CREBBP: variants seen among roughly 807,000 people sequenced by gnomAD.
CREBBP encodes CREB binding lysine acetyltransferase, also known as CREB-binding protein.
A neutral mutation model predicts 265.0 loss-of-function variants in CREBBP; 19 were observed. The ratio of observed to expected loss-of-function variants is 0.07; its 90% CI spans 0.05 to 0.11. The LOEUF (loss-of-function observed/expected upper bound fraction) is 0.11. Among genes scored for constraint, CREBBP ranks in the 10% least tolerant of loss-of-function variants. The probability of loss-of-function intolerance (pLI) is 1.00; values close to 1 mark genes in which losing one functional copy is unlikely to be tolerated. For synonymous variants in CREBBP, 1,457 were observed against 1,223.7 expected, an observed-to-expected ratio of 1.19 and a Z score of -3.98; for missense variants, 2,525 against 3,219.0, an observed-to-expected ratio of 0.78 and a Z score of 5.22.
Position 3,731,421 on chromosome 16 carries a change from G to T in CREBBP, c.4943C>A (p.Pro1648His). ...GAGCAGGGGGTCGGGGTCGACGATG[G>T]GGGGCAGGGTGTTGATGACAGGCCC... Reference protein sequence around the residue: ...HAGPVINTLPPIVDPDPLLSC... With the variant: ...HAGPVINTLPHIVDPDPLLSC... Residue 1648 changes from proline (P) to histidine (H), a missense_variant, in exon 30 of 31, where the codon CCC (proline) becomes CAC (histidine). Pro to His is a moderately conservative substitution (Grantham distance 77). Coordinates refer to ENST00000262367, the MANE Select transcript of CREBBP (RefSeq NM_004380.3). This position sits in a 1 kb window ranked among gnomAD's most constrained non-coding sequence, Gnocchi z 7.7. The T allele has an allele frequency of 2.5e-6, 4 of 1,604,472 alleles. No homozygotes were observed. The highest frequency in any genetic ancestry group is 3.5e-5 in the Admixed American group (2 of 57,926).
At chr16:3,775,565 G>C (rs535834312) in intron 11 of CREBBP, among the ~76,000 whole-genome samples, 6 of 152,166 alleles carry the variant, frequency 3.9e-5, no homozygotes, top group Admixed American at 3.9e-4. Flanking sequence ...ACCTTCAATG[G>C]CTACCTAGAA....
At chr16:3,771,899 C>T (rs936633817) in intron 13 of CREBBP, among the ~76,000 whole-genome samples, 1 of 151,380 alleles carries the variant, frequency 6.6e-6, no homozygotes, top group African/African-American at 2.4e-5. Context: ...CAACCTCCAT[C>T]TCCCGGGTTC....
At chr16:3,790,494 C>A (rs1567315477) in intron 5 of CREBBP, among the ~76,000 whole-genome samples, 1 of 151,786 alleles carries the variant, frequency 6.6e-6, no homozygotes, top group Admixed American at 6.6e-5. Flanking sequence ...CCTGCCTCAG[C>A]CTCCCAAGTA....
At chr16:3,743,410 T>C (rs1448863493) in intron 23 of CREBBP, 1 of 152,294 alleles carries the variant, frequency 6.6e-6, no homozygotes, top group East Asian at 1.9e-4. Flanking sequence ...CAACAGAGTT[T>C]GAACTTGAAT....
intron 2 of CREBBP, among the ~76,000 whole-genome samples, chr16:3,848,770 C>G (rs2141476959): frequency 6.6e-6 from 1 of 152,254 alleles, no homozygotes; most frequent in Middle Eastern, 3.4e-3. Context: ...ATCAATCTCT[C>G]CAGGAACCAT....
chr16:3,816,246 C>T (rs564073929), intron 2 of CREBBP, among the ~76,000 whole-genome samples: 4 of 152,272 alleles, frequency 2.6e-5, no homozygotes, highest in East Asian at 1.9e-4. Context: ...TGTGACCAAG[C>T]GTATCAATCA....
chr16:3,783,062 A>C (rs2053310324), intron 5 of CREBBP, 136 bp from the exon 6 acceptor site: 1 of 1,182,434 alleles, frequency 8.5e-7, no homozygotes, highest in African/African-American at 1.5e-5. Flanking sequence ...AGCAGTAAAC[A>C]AGCCTAGGGA....
intron 10 of CREBBP, 110 bp downstream of exon 10, chr16:3,777,901 C>A: frequency 1.5e-6 from 2 of 1,330,706 alleles, no homozygotes; most frequent in Middle Eastern, 1.8e-4. Flanking sequence ...ACAGCTTCTG[C>A]AGGGCATGCA....
chr16:3,851,715 G>A (rs1276028123), intron 1 of CREBBP, among the ~76,000 whole-genome samples: 7 of 150,578 alleles, frequency 4.6e-5, no homozygotes, highest in Non-Finnish European at 7.4e-5. Flanking sequence ...TTAGCCGGGC[G>A]CGGTGGCGGG....
chr16:3,797,669 C>T (rs1279037200), intron 3 of CREBBP, among the ~76,000 whole-genome samples: 3 of 151,802 alleles, frequency 2.0e-5, no homozygotes, highest in Non-Finnish European at 4.4e-5. Context: ...GTAAGTGAAA[C>T]CCCAGAAAGT....
rs530881978 is a variant in CREBBP at position 3,730,691 on chromosome 16, G to A, written c.5172+501C>T. 6.0e-4 allele frequency: 111 copies of A among 186,392 alleles called. 1 individual carries two copies. Among genetic ancestry groups the A allele is most frequent in the African/African-American group, 2.0e-3 (85 of 42,704 alleles). 11.5% of individuals were successfully genotyped at this position (186,392 alleles called of 1,614,324 possible). ...ACACCACAGCAAGTGAGGAGGCTCC[G>A]GGTTGGCAGGTGATGGTGACTGTCC... On this transcript the variant is annotated intron_variant, in intron 30 of 30. Transcript: ENST00000262367.
intron 3 of CREBBP, among the ~76,000 whole-genome samples, chr16:3,795,417 C>T (rs937442491): frequency 1.3e-5 from 2 of 151,966 alleles, no homozygotes; most frequent in Non-Finnish European, 2.9e-5. Context: ...TACGTATGAA[C>T]CATAATCAAT....
At position 3,736,630 on chromosome 16, in the gene CREBBP, C is replaced by G. The variant is rs1487634374; in HGVS notation, c.4560+20G>C. The G allele has an allele frequency of 6.2e-7, 1 of 1,614,218 alleles. No individual in the cohort carries two copies. The highest frequency in any genetic ancestry group is 8.5e-7 in the Non-Finnish European group (1 of 1,180,044). On this transcript the variant is annotated intron_variant, in intron 27 of 30. Transcript: ENST00000262367. ...CCTCAGTTGTGACAAAAGCCACCAC[C>G]TTCCTTCAGCGCCGGGTACCTTGTA...
At chr16:3,817,159 C>T (rs2141368655) in intron 2 of CREBBP, among the ~76,000 whole-genome samples, 1 of 152,294 alleles carries the variant, frequency 6.6e-6, no homozygotes, top group East Asian at 1.9e-4. Flanking sequence ...AGCAGATACA[C>T]AAGTCCAGTC....
At chr16:3,851,094 T>C (rs1184156364) in intron 1 of CREBBP, 85 bp from the exon 2 acceptor site, 8 of 1,166,434 alleles carry the variant, frequency 6.9e-6, no homozygotes, top group Admixed American at 5.2e-5. Flanking sequence ...CTTAACCTAA[T>C]GGGGCATTCA....
intron 26 of CREBBP, among the ~76,000 whole-genome samples, chr16:3,737,750 A>C (rs933932528): frequency 4.7e-5 from 7 of 149,534 alleles, no homozygotes; most frequent in African/African-American, 1.7e-4. Flanking sequence ...AGACTAGGTG[A>C]GCCAATTTTT....
At chr16:3,729,931 C>A in intron 30 of CREBBP, 57 bp from the exon 31 acceptor site, 1 of 1,586,884 alleles carries the variant, frequency 6.3e-7, no homozygotes, top group Non-Finnish European at 8.5e-7. Context: ...TACCACCAGG[C>A]ATCCTGGCTG....
In CREBBP at chr16:3,862,511, A is replaced by G. The variant is rs564694327; in HGVS notation, c.86-11502T>C. 2.6e-5 allele frequency among the ~76,000 whole-genome samples: 4 copies of G among 152,316 alleles called. No individual in the cohort carries two copies. In the East Asian group the frequency reaches 7.7e-4, roughly 29 times the overall value. On this transcript the variant is annotated intron_variant, in intron 1 of 30. Transcript: ENST00000262367. The stretch of plus-strand genomic sequence containing the variant: ...TTAAAACCCTCAACACAGCACTTAC[A>G]TTTATACTAGAGCTTAGAATTTGGG...
intron 2 of CREBBP, among the ~76,000 whole-genome samples, chr16:3,830,919 A>C (rs892549367): frequency 6.6e-6 from 1 of 152,096 alleles, no homozygotes; most frequent in Non-Finnish European, 1.5e-5. Flanking sequence ...AGCAGCTGCA[A>C]CTACAGAAGC....
Sources: gnomAD v4.1 joint callset for allele counts (sites outside exome capture counted in the v4.1 genomes callset) on GRCh38, gnomAD v4.1.1 for gene constraint, Gnocchi (gnomAD v3.1) non-coding constraint, MANE v1.5 for transcripts, NCBI Gene and HGNC (gene_info 2026-07-23, HGNC 2026-07-21) for gene names.